SGSM1: variants seen among roughly 807,000 people sequenced by gnomAD.
SGSM1 encodes the protein RUN and TBC1 domain containing 2.
A neutral mutation model predicts 133.8 loss-of-function variants in SGSM1; 73 were observed. That is an observed-to-expected ratio of 0.55 (90% CI 0.45 to 0.66). SGSM1 has a LOEUF of 0.66. Ranked by LOEUF, SGSM1 falls within the 30% of genes least tolerant of loss-of-function variation. The probability of loss-of-function intolerance (pLI) is 0.00; values close to 1 mark genes in which losing one functional copy is unlikely to be tolerated. For missense variants in SGSM1, 1,213 were observed against 1,448.1 expected (o/e 0.84, Z 2.64); for synonymous variants, 563 against 573.0 (o/e 0.98, Z 0.25).
Position 24,919,033 on chromosome 22 carries a change from AC to A in SGSM1, c.3026-790del, listed in dbSNP as rs1258143617. Among the ~76,000 whole-genome samples, 9 of 83,542 alleles carry A rather than the reference AC, an allele frequency of 1.1e-4. No individual in the cohort carries two copies. In the East Asian group the frequency reaches 2.6e-3, roughly 24 times the overall value. The allele number at this position is 83,542 out of a possible 152,430, so 54.8% of individuals were successfully genotyped here. A position where few individuals can be genotyped will look rare whatever the true frequency, so the allele number is the denominator to read the frequency against. ...TGGGATTACAGGTGTGAGCCACCAC[AC>A]CCGGCCTTTTTTTTTTTTTTTTTTT... On this transcript the variant is annotated intron_variant, in intron 23 of 24. Transcript: ENST00000400358.
intron 5 of SGSM1, among the ~76,000 whole-genome samples, chr22:24,853,304 C>A (rs759017486): frequency 6.6e-6 from 1 of 152,200 alleles, no homozygotes; most frequent in Non-Finnish European, 1.5e-5. Context: ...TCTGTGGCCT[C>A]CAGCAAATAA....
At chr22:24,849,970 C>T (rs540487842) in intron 4 of SGSM1, among the ~76,000 whole-genome samples, 257 of 152,190 alleles carry the variant, frequency 1.7e-3, no homozygotes, top group Admixed American at 3.4e-3. Context: ...GCACTGGGGA[C>T]CCAATGAAGG....
intron 13 of SGSM1, 128 bp from the exon 14 acceptor site, chr22:24,879,334 C>A: frequency 1.3e-6 from 1 of 791,686 alleles, no homozygotes; most frequent in South Asian, 1.7e-5. Context: ...AATAGCAGCC[C>A]TCCCTACAGT....
At chr22:24,841,846 C>A (rs151237667) in intron 2 of SGSM1, among the ~76,000 whole-genome samples, 1 of 152,360 alleles carries the variant, frequency 6.6e-6, no homozygotes, top group East Asian at 1.9e-4. Flanking sequence ...ACTGCAACCT[C>A]TGCCTCCCAA....
At chr22:24,904,966 C>G (rs557196287) in intron 20 of SGSM1, 139 bp from the exon 21 acceptor site, 4 of 734,894 alleles carry the variant, frequency 5.4e-6, no homozygotes, top group Non-Finnish European at 9.8e-6. Context: ...AGAGAGAGAT[C>G]GGGGATGGAG....
chr22:24,845,403 G>A (rs575364210), intron 3 of SGSM1, among the ~76,000 whole-genome samples: 3 of 152,270 alleles, frequency 2.0e-5, no homozygotes, highest in East Asian at 1.9e-4. Flanking sequence ...GGCAGGCCGA[G>A]GGCTCAGAGC....
intron 2 of SGSM1, among the ~76,000 whole-genome samples, chr22:24,840,920 G>T (rs976212237): frequency 6.6e-6 from 1 of 151,988 alleles, no homozygotes; most frequent in East Asian, 1.9e-4. Flanking sequence ...GCGCTATCTC[G>T]GCTCACTGCA....
At chr22:24,822,088 C>CTTTTTTTTTTTTTTTTTTT (rs71320790) in intron 2 of SGSM1, among the ~76,000 whole-genome samples, 11 of 96,172 alleles carry the variant, frequency 1.1e-4, no homozygotes, top group Non-Finnish European at 1.8e-4. Flanking sequence ...TCATCTCTCT[C>CTTTTTTTTTTTTTTTTTTT]TTTTTTTTTT....
At position 24,855,301 on chromosome 22, in the gene SGSM1, A is replaced by G. The variant is rs776255978; in HGVS notation, c.540A>G (p.Leu180=). 9.9e-6 allele frequency: 16 copies of G among 1,611,746 alleles called. No individual in the cohort carries two copies. The highest frequency in any genetic ancestry group is 3.3e-4 in the Middle Eastern group (2 of 6,060). The change falls in exon 7 of 25, where the codon CTA becomes CTG. Residue 180 remains leucine, a synonymous_variant. Transcript: ENST00000400358. The part of the protein sequence containing the change: ...LASLLVGPCA[L]EYTKMKTADH... ...GCCCCTCAGTGGGGCCCTGTGCCCT[A>G]GAGTACACCAAGATGAAGACTGCAG...
chr22:24,920,968 A>C (rs1274728477), intron 24 of SGSM1, among the ~76,000 whole-genome samples: 1 of 152,152 alleles, frequency 6.6e-6, no homozygotes, highest in African/African-American at 2.4e-5. Context: ...CTGGTTTTTC[A>C]CTAGTATCCT....
At position 24,885,789 on chromosome 22, in the gene SGSM1, C is replaced by T. The variant is rs903535147; in HGVS notation, c.1642-811C>T. ...CTTTTACATCTCTGTGTTGCGTACC[C>T]GTGTAGGGACGCATGTTCACCCATT... On this transcript the variant is annotated intron_variant, in intron 15 of 24. Transcript: ENST00000400358. Among the ~76,000 whole-genome samples, 7 of 152,156 alleles carry T rather than the reference C, an allele frequency of 4.6e-5. No homozygotes were observed. The East Asian group carries it at 1.3e-3, about 29-fold the overall frequency.
intron 9 of SGSM1, among the ~76,000 whole-genome samples, chr22:24,861,369 A>G (rs1445551979): frequency 6.6e-6 from 1 of 151,052 alleles, no homozygotes; most frequent in Non-Finnish European, 1.5e-5. Context: ...AAAAAAAAAA[A>G]AGTGTTCTCT....
At position 24,903,720 on chromosome 22, in the gene SGSM1, G is replaced by A. The variant is rs115223699; in HGVS notation, c.2736-1385G>A. Among the ~76,000 whole-genome samples, 142 of 152,152 alleles carry A rather than the reference G, an allele frequency of 9.3e-4. 1 individual carries two copies. The highest frequency in any genetic ancestry group is 3.2e-3 in the African/African-American group (133 of 41,520). ...ACTAAAGAAACCATAGGCTGGGCACGGCGGCTCATGGGAGGTCGAGGCGGC... is the reference window on the plus strand; with the variant it reads ...ACTAAAGAAACCATAGGCTGGGCACAGCGGCTCATGGGAGGTCGAGGCGGC... On this transcript the variant is annotated intron_variant, in intron 20 of 24. Coordinates refer to ENST00000400358, the MANE Select transcript of SGSM1 (RefSeq NM_001098497.3).
rs191111530 is a variant in SGSM1 at position 24,869,340 on chromosome 22, C to T, written c.1291+485C>T. Among the ~76,000 whole-genome samples, 139 of 151,960 alleles carry T rather than the reference C, an allele frequency of 9.1e-4. 1 individual carries two copies. Among genetic ancestry groups the T allele is most frequent in the African/African-American group, 3.2e-3 (133 of 41,462 alleles). On this transcript the variant is annotated intron_variant, in intron 12 of 24. Transcript: ENST00000400358. ...TTTAAGACCAGCCTGGGCAACATGG[C>T]GAAACCCTGTCTCTACAAAAAATAC...
intron 21 of SGSM1, among the ~76,000 whole-genome samples, chr22:24,911,166 G>C (rs1315289353): frequency 6.6e-6 from 1 of 151,982 alleles, no homozygotes; most frequent in African/African-American, 2.4e-5. Flanking sequence ...AGGCTGCCAA[G>C]GTCGAGGCTG....
intron 17 of SGSM1, 98 bp downstream of exon 17, chr22:24,893,711 G>C: frequency 1.5e-6 from 2 of 1,305,034 alleles, no homozygotes; most frequent in Non-Finnish European, 2.0e-6. Flanking sequence ...GGTGTCTGGG[G>C]CCTGGTGACA....
chr22:24,820,241 C>T (rs751023619), intron 2 of SGSM1, among the ~76,000 whole-genome samples: 6 of 152,036 alleles, frequency 3.9e-5, no homozygotes, highest in African/African-American at 9.7e-5. Context: ...AATCAGGCCC[C>T]GGGGGAGCCT....
At chr22:24,830,039 C>T (rs74497441) in intron 2 of SGSM1, among the ~76,000 whole-genome samples, 5,597 of 133,492 alleles carry the variant, frequency 0.042, 335 homozygotes, top group African/African-American at 0.15. Flanking sequence ...GTCTGTGCCC[C>T]GGGATGGGTT....
chr22:24,810,140 A>T (rs896841041), intron 2 of SGSM1, among the ~76,000 whole-genome samples: 4 of 152,142 alleles, frequency 2.6e-5, no homozygotes, highest in African/African-American at 9.7e-5. Flanking sequence ...AATGGGGAGG[A>T]CATCGAGAAC....
Sources: gnomAD v4.1 joint callset for allele counts (sites outside exome capture counted in the v4.1 genomes callset) on GRCh38, gnomAD v4.1.1 for gene constraint, MANE v1.5 for transcripts, NCBI Gene and HGNC (gene_info 2026-07-23, HGNC 2026-07-21) for gene names.